The following CPED1 variants were observed in gnomAD, a reference collection of about 807,000 sequenced individuals.
CPED1 encodes cadherin-like and PC-esterase domain-containing protein 1.
In CPED1, 114 loss-of-function variants were observed where a neutral mutation model predicts 128.2. That is an observed-to-expected ratio of 0.89 (90% CI 0.76 to 1.04). CPED1 has a LOEUF of 1.04. Among genes scored for constraint, CPED1 ranks in the 50% least tolerant of loss-of-function variants. CPED1 has a pLI of 0.00. For synonymous variants in CPED1, 462 were observed against 426.7 expected (o/e 1.08, Z -1.02); for missense variants, 1,211 against 1,207.1 (o/e 1.00, Z -0.05).
At chr7:121,143,677 C>T (rs949788865) in intron 16 of CPED1, among the ~76,000 whole-genome samples, 1 of 151,926 alleles carries the variant, frequency 6.6e-6, no homozygotes, top group African/African-American at 2.4e-5. Flanking sequence ...ACTAAATATT[C>T]TTACCCTTTT....
intron 3 of CPED1, among the ~76,000 whole-genome samples, chr7:121,032,299 A>G (rs1028831929): frequency 2.0e-5 from 3 of 152,186 alleles, no homozygotes; most frequent in African/African-American, 7.2e-5. Context: ...AGAGATAAAA[A>G]CAGTGAATTA....
chr7:121,074,509 G>GTTTTTTTTTTTT (rs1157885862), intron 5 of CPED1, among the ~76,000 whole-genome samples: 1,039 of 80,756 alleles, frequency 0.013, 115 homozygotes, highest in Non-Finnish European at 0.016. Flanking sequence ...TTTCCTTTGT[G>GTTTTTTTTTTTT]TTTTTTTTTT....
Position 121,100,067 on chromosome 7 carries a change from A to T in CPED1, c.891A>T (p.Pro297=), listed in dbSNP as rs1303188898. The T allele has an allele frequency of 6.2e-7, 1 of 1,613,286 alleles. No individual in the cohort carries two copies. Among genetic ancestry groups the T allele is most frequent in the Non-Finnish European group, 8.5e-7 (1 of 1,179,694 alleles). The change falls in exon 7 of 23, where the codon CCA becomes CCT. Residue 297 remains proline (P), a synonymous_variant. Coordinates refer to ENST00000310396, the MANE Select transcript of CPED1 (RefSeq NM_024913.5). ...ATTCGACGGGCACAGTTTGGAATCC[A>T]CCAAAGAAAAAACGCTTCACTGTCA... ...FIHSTGTVWN[P]PKKKRFTVKL... is the part of the protein sequence containing the mutation.
chr7:121,231,677 A>T (rs1179019520), intron 16 of CPED1, among the ~76,000 whole-genome samples: 1 of 152,140 alleles, frequency 6.6e-6, no homozygotes, highest in African/African-American at 2.4e-5. Context: ...AGTAAAATAA[A>T]AAAAGGAAGA....
intron 16 of CPED1, among the ~76,000 whole-genome samples, chr7:121,221,391 C>T (rs546002283): frequency 6.6e-6 from 1 of 152,296 alleles, no homozygotes; most frequent in South Asian, 2.1e-4. Flanking sequence ...GGTTCCAAGT[C>T]TTTGCTATTG....
At position 121,094,901 on chromosome 7, in the gene CPED1, G is replaced by A. The variant is rs553761580; in HGVS notation, c.617-2798G>A. Among the ~76,000 whole-genome samples the A allele has an allele frequency of 2.6e-5, 4 of 152,124 alleles. No homozygotes were observed. In the East Asian group the frequency reaches 7.7e-4, roughly 29 times the overall value. ...CTGATCATAAAGTTACAGGCTTCAG[G>A]GCTCTCTAAAATAAGCTAAGAGTAG... is the stretch of plus-strand genomic sequence containing the variant. On this transcript the variant is annotated intron_variant, in intron 5 of 22. Transcript: ENST00000310396.
At chr7:121,252,847 C>G (rs1265639413) in intron 18 of CPED1, among the ~76,000 whole-genome samples, 1 of 152,136 alleles carries the variant, frequency 6.6e-6, no homozygotes, top group Non-Finnish European at 1.5e-5. Flanking sequence ...AATAGGAACA[C>G]TTTTACACTG....
chr7:121,111,402 C>T (rs965582864), intron 7 of CPED1, among the ~76,000 whole-genome samples: 2 of 152,154 alleles, frequency 1.3e-5, no homozygotes, highest in Non-Finnish European at 2.9e-5. Context: ...GTTCCCACAG[C>T]TCCAGGTACC....
In CPED1 at chr7:121,087,665, C is replaced by CTTTTTTTTTT. The variant is rs72453872; in HGVS notation, c.617-10033_617-10032insTTTTTTTTTT. Among the ~76,000 whole-genome samples, 1,200 of 131,284 alleles carry CTTTTTTTTTT rather than the reference C, an allele frequency of 9.1e-3. 75 individuals are homozygous for CTTTTTTTTTT. Among genetic ancestry groups the CTTTTTTTTTT allele is most frequent in the African/African-American group, 0.029 (925 of 31,588 alleles). 86.1% of individuals were successfully genotyped at this position (131,284 alleles called of 152,430 possible). The stretch of plus-strand genomic sequence containing the variant: ...GGATTCTTTCTTTTTCTTTTCTTTC[C>CTTTTTTTTTT]TGTTTTTTTTTTTTTGGCAGAGTCT... On this transcript the variant is annotated intron_variant, in intron 5 of 22. Transcript: ENST00000310396.
chr7:121,291,580 C>T (rs1003255516), intron 22 of CPED1, among the ~76,000 whole-genome samples: 1 of 152,134 alleles, frequency 6.6e-6, no homozygotes, highest in Non-Finnish European at 1.5e-5. Flanking sequence ...TAGGAGTTCA[C>T]TCATGATTTA....
At chr7:121,004,165 G>T (rs1791943492) in intron 2 of CPED1, among the ~76,000 whole-genome samples, 1 of 152,142 alleles carries the variant, frequency 6.6e-6, no homozygotes, top group Non-Finnish European at 1.5e-5. Context: ...TTAACCATCT[G>T]TTCAGCTCAA....
chr7:121,168,353 T>C (rs993493404), intron 16 of CPED1, among the ~76,000 whole-genome samples: 14 of 152,250 alleles, frequency 9.2e-5, no homozygotes, highest in African/African-American at 3.4e-4. Context: ...TAGTCTTCTC[T>C]ATCTAAAGAA....
At chr7:121,220,108 A>G (rs1003780143) in intron 16 of CPED1, among the ~76,000 whole-genome samples, 2 of 152,054 alleles carry the variant, frequency 1.3e-5, no homozygotes, top group East Asian at 1.9e-4. Flanking sequence ...TAAGTTTTAT[A>G]AAAGGAAATA....
chr7:121,101,153 T>C (rs1484286215), intron 7 of CPED1, among the ~76,000 whole-genome samples: 1 of 152,140 alleles, frequency 6.6e-6, no homozygotes, highest in Non-Finnish European at 1.5e-5. Context: ...TCAAGACTCT[T>C]TTGGTCTCTG....
intron 7 of CPED1, among the ~76,000 whole-genome samples, chr7:121,110,910 G>A (rs1795092308): frequency 6.6e-6 from 1 of 152,154 alleles, no homozygotes; most frequent in South Asian, 2.1e-4. Context: ...AGATATGGTA[G>A]TCTAAAAAAG....
At chr7:121,014,549 C>CAAAAAAAAAA in intron 2 of CPED1, among the ~76,000 whole-genome samples, 1 of 117,200 alleles carries the variant, frequency 8.5e-6, no homozygotes, top group Non-Finnish European at 1.8e-5. Context: ...GACTTTGTCT[C>CAAAAAAAAAA]AAAAAAAAAA....
chr7:121,262,135 C>T (rs2116737229), intron 18 of CPED1, among the ~76,000 whole-genome samples: 1 of 152,126 alleles, frequency 6.6e-6, no homozygotes, highest in Non-Finnish European at 1.5e-5. Context: ...TGGCATGTCT[C>T]CTGCTCCCTC....
chr7:121,289,512 C>G (rs994302784), intron 22 of CPED1, among the ~76,000 whole-genome samples: 1 of 152,108 alleles, frequency 6.6e-6, no homozygotes, highest in Non-Finnish European at 1.5e-5. Flanking sequence ...ATGGTTCAAG[C>G]TCATTTGCAA....
At chr7:121,162,084 C>T (rs541105691) in intron 16 of CPED1, among the ~76,000 whole-genome samples, 1 of 152,204 alleles carries the variant, frequency 6.6e-6, no homozygotes, top group Admixed American at 6.5e-5. Flanking sequence ...AAGTGGCAGA[C>T]CTGGGACTTA....
Sources: gnomAD v4.1 joint callset for allele counts (sites outside exome capture counted in the v4.1 genomes callset) on GRCh38, gnomAD v4.1.1 for gene constraint, MANE v1.5 for transcripts, NCBI Gene and HGNC (gene_info 2026-07-23, HGNC 2026-07-21) for gene names.